The following ASB4 variants were observed in gnomAD, a reference collection of about 807,000 sequenced individuals.
ASB4 encodes the protein ankyrin repeat and SOCS box protein 4.
In ASB4, 35 loss-of-function variants were observed where a neutral mutation model predicts 38.6. That is an observed-to-expected ratio of 0.91 (90% CI 0.69 to 1.20). The LOEUF is 1.20. Ranked by LOEUF, ASB4 falls within the 50% of genes most tolerant of loss-of-function variation. ASB4 has a pLI of 0.00. For missense variants in ASB4, 557 were observed against 527.2 expected (o/e 1.06, Z -0.55); for synonymous variants, 195 against 201.3 (o/e 0.97, Z 0.26).
At chr7:95,521,154 T>A (rs987206952) in intron 2 of ASB4, among the ~76,000 whole-genome samples, 2 of 152,158 alleles carry the variant, frequency 1.3e-5, no homozygotes, top group African/African-American at 4.8e-5. Context: ...AAAAATTTTA[T>A]CATTTCCTTC....
chr7:95,479,389 T>C (rs558336371), intron 1 of ASB4, among the ~76,000 whole-genome samples: 16 of 152,370 alleles, frequency 1.1e-4, no homozygotes, highest in African/African-American at 3.8e-4. Flanking sequence ...TTTCATGTGA[T>C]TTTTACAACC....
At chr7:95,484,990 A>T (rs1457699694), upstream of ASB4, among the ~76,000 whole-genome samples, 1 of 148,594 alleles carries the variant, frequency 6.7e-6, no homozygotes, top group African/African-American at 2.5e-5. Flanking sequence ...ATATATGTGT[A>T]TATATGTATA....
chr7:95,489,242 A>G (rs1310641031), intron 1 of ASB4, among the ~76,000 whole-genome samples: 1 of 152,250 alleles, frequency 6.6e-6, no homozygotes, highest in Non-Finnish European at 1.5e-5. Context: ...TCATAAGCAA[A>G]TATGAAATGT....
intron 2 of ASB4, among the ~76,000 whole-genome samples, chr7:95,523,311 C>A (rs768306865): frequency 6.6e-6 from 1 of 152,088 alleles, no homozygotes; most frequent in African/African-American, 2.4e-5. Flanking sequence ...CTGGTTACAA[C>A]GTTTATAGCA....
chr7:95,515,171 T>TTC (rs1296313857), intron 2 of ASB4, among the ~76,000 whole-genome samples: 24 of 44,648 alleles, frequency 5.4e-4, no homozygotes, highest in South Asian at 7.7e-4. Flanking sequence ...CTCTTTCTCT[T>TTC]TCTTTCTTTC....
intron 3 of ASB4, 35 bp from the exon 4 acceptor site, chr7:95,536,402 C>T: frequency 1.5e-6 from 2 of 1,321,550 alleles, no homozygotes; most frequent in Non-Finnish European, 2.2e-6. Flanking sequence ...CATATATGTG[C>T]ATCAAACAGA....
intron 1 of ASB4, among the ~76,000 whole-genome samples, chr7:95,480,096 G>A (rs1242073966): frequency 6.6e-6 from 1 of 152,176 alleles, no homozygotes; most frequent in African/African-American, 2.4e-5. Context: ...CCTGGAAGTG[G>A]AGGAGACTTT....
the ASB4 span, among the ~76,000 whole-genome samples, chr7:95,472,326 C>T: frequency 0.027 from 4,169 of 152,204 alleles, 81 homozygotes; most frequent in Non-Finnish European, 0.044. Context: ...GATGCTTAGA[C>T]GAATGATCTG....
chr7:95,480,536 T>C (rs1790013920), intron 1 of ASB4, among the ~76,000 whole-genome samples: 1 of 152,212 alleles, frequency 6.6e-6, no homozygotes, highest in Admixed American at 6.5e-5. Flanking sequence ...ACTGGCTCTC[T>C]TGGATCTTTC....
chr7:95,515,313 C>CTTTCTTTT (rs1790562968), intron 2 of ASB4, among the ~76,000 whole-genome samples: 1 of 110,020 alleles, frequency 9.1e-6, no homozygotes, highest in African/African-American at 3.6e-5. Flanking sequence ...TTCTTTCTTT[C>CTTTCTTTT]TTTCTTCCTT....
At chr7:95,509,235 G>A (rs1180717044) in intron 2 of ASB4, among the ~76,000 whole-genome samples, 4 of 152,160 alleles carry the variant, frequency 2.6e-5, no homozygotes, top group African/African-American at 9.7e-5. Flanking sequence ...TAAAGAAGTA[G>A]GGGTGTTCTT....
intron 2 of ASB4, among the ~76,000 whole-genome samples, chr7:95,521,018 G>GA (rs759917140): frequency 2.0e-5 from 3 of 151,906 alleles, no homozygotes; most frequent in African/African-American, 7.3e-5. Flanking sequence ...ATTTTGTGGG[G>GA]AAAAATGTTT....
At chr7:95,505,773 CT>C (rs1251512348) in intron 2 of ASB4, among the ~76,000 whole-genome samples, 1 of 145,958 alleles carries the variant, frequency 6.9e-6, no homozygotes, top group Non-Finnish European at 1.5e-5. Flanking sequence ...ATGATAGTTT[CT>C]TTTTTTGTGC....
intron 2 of ASB4, among the ~76,000 whole-genome samples, chr7:95,519,652 C>T (rs1790632902): frequency 6.6e-6 from 1 of 152,138 alleles, no homozygotes; most frequent in African/African-American, 2.4e-5. Context: ...GTAAATGGAA[C>T]CGAATTCCTT....
chr7:95,550,489 G>GCT, the ASB4 span, among the ~76,000 whole-genome samples: 2 of 152,142 alleles, frequency 1.3e-5, no homozygotes, highest in South Asian at 4.1e-4. Flanking sequence ...GCCCCTCTGT[G>GCT]CTCCTCTAGC....
intron 2 of ASB4, among the ~76,000 whole-genome samples, chr7:95,515,167 C>CTCTT (rs71127411): frequency 0.08 from 7,135 of 89,280 alleles, 453 homozygotes; most frequent in East Asian, 0.13. Context: ...CTTTCTCTTT[C>CTCTT]TCTTTCTTTC....
At chr7:95,471,880 T>TTTTTTTTTTTTTTTTTTTTG in the ASB4 span, 2 of 150,706 alleles carry the variant, frequency 1.3e-5, no homozygotes, top group Non-Finnish European at 3.0e-5. Context: ...CTGCTTTTTT[T>TTTTTTTTTTTTTTTTTTTTG]AACAGATGAA....
chr7:95,515,163 C>CTCT, intron 2 of ASB4, among the ~76,000 whole-genome samples: 2 of 129,838 alleles, frequency 1.5e-5, no homozygotes, highest in South Asian at 5.2e-4. Context: ...CTTTCTTTCT[C>CTCT]TTTCTCTTTC....
At chr7:95,547,580 A>G in the ASB4 span, among the ~76,000 whole-genome samples, 3 of 152,230 alleles carry the variant, frequency 2.0e-5, no homozygotes, top group Non-Finnish European at 4.4e-5. Flanking sequence ...GCTTAGGGTA[A>G]TAATAGATGT....
Sources: allele counts gnomAD v4.1 joint callset (sites outside exome capture counted in the v4.1 genomes callset), GRCh38; gene constraint gnomAD v4.1.1; transcripts MANE v1.5; gene names NCBI Gene and HGNC (gene_info 2026-07-23, HGNC 2026-07-21).